Variants in LAT observed in about 807,000 individuals in gnomAD.
LAT encodes the protein linker for activation of T cells.
Under a neutral mutation model 39.1 loss-of-function variants are expected in LAT, and 12 were observed. That is an observed-to-expected ratio of 0.31 (90% CI 0.20 to 0.50). The LOEUF (loss-of-function observed/expected upper bound fraction) is 0.50, where lower values mean the gene tolerates loss of function less well. Ranked by LOEUF, LAT falls within the 20% of genes least tolerant of loss-of-function variation. The probability of loss-of-function intolerance (pLI) is 0.98; values close to 1 mark genes in which losing one functional copy is unlikely to be tolerated. For missense variants in LAT, 253 were observed against 308.0 expected (o/e 0.82, Z 1.34); for synonymous variants, 117 against 123.8 (o/e 0.95, Z 0.36).
Position 28,985,868 on chromosome 16 carries a change from G to A in LAT, c.143G>A (p.Gly48Asp). 1 of 1,614,128 alleles carries A rather than the reference G, an allele frequency of 6.2e-7. No individual in the cohort carries two copies. The highest frequency in any genetic ancestry group is 1.1e-5 in the South Asian group (1 of 91,078). The change falls in exon 3 of 12, where the codon GGC becomes GAC. Residue 48 changes from glycine to aspartate, a missense_variant. Transcript: ENST00000395456. The surrounding 1 kb of genome is among the most constrained non-coding windows in gnomAD (Gnocchi z 4.6). ...STSSDSLYPR[G>D]IQFKRPHTVA... ...TCCTTTACCAGTTTGTATCCAAGGGGCATCCAGTTCAAACGGCCTCGTGAG... is the reference window on the plus strand; with the variant it reads ...TCCTTTACCAGTTTGTATCCAAGGGACATCCAGTTCAAACGGCCTCGTGAG...
rs770552343 is a variant in LAT at position 28,986,338 on chromosome 16, C to T, written c.246-44C>T. ...TTCCCTTTTGCAACTGCTGTTGCCC[C>T]CTGAGCCCCACCTCAGGCATGACCC... On this transcript the variant is annotated intron_variant, in intron 4 of 11. Coordinates refer to ENST00000395456, the MANE Select transcript of LAT (RefSeq NM_001014987.2). This position sits in a 1 kb window ranked among gnomAD's most constrained non-coding sequence, Gnocchi z 5.7. 1.1e-5 allele frequency: 18 copies of T among 1,607,356 alleles called. No individual in the cohort carries two copies. Among genetic ancestry groups the T allele is most frequent in the Non-Finnish European group, 1.4e-5 (17 of 1,175,202 alleles).
Position 28,986,480 on chromosome 16 carries a change from T to A in LAT, c.310+34T>A, listed in dbSNP as rs377237726. The A allele has an allele frequency of 6.2e-7, 1 of 1,613,448 alleles. No homozygotes were observed. The highest frequency in any genetic ancestry group is 1.3e-5 in the African/African-American group (1 of 74,998). The stretch of plus-strand genomic sequence containing the variant: ...GGGGAAGGGTTCAGGCGGCGGGGGC[T>A]GGGAAGAAGATAGGCCTGGCCTGAG... On this transcript the variant is annotated intron_variant, in intron 5 of 11. Coordinates refer to ENST00000395456, the MANE Select transcript of LAT (RefSeq NM_001014987.2). The surrounding 1 kb of genome is among the most constrained non-coding windows in gnomAD (Gnocchi z 5.7).
rs745992930 is a variant in LAT, at chr16:28,986,666, G to A, written c.350G>A (p.Cys117Tyr). Residue 117 changes from cysteine (C) to tyrosine (Y), a missense_variant, in exon 7 of 12, where the codon TGT becomes TAT. By Grantham distance (194) the Cys-to-Tyr change is radical. Transcript: ENST00000395456. The surrounding 1 kb of genome is among the most constrained non-coding windows in gnomAD (Gnocchi z 5.7). ...GTGTCGTTACCCCCAGAACCAGCCT[G>A]TGAGGATGCGGATGAGGATGAGGAC... ...VASYENEEPA[C>Y]EDADEDEDDY... 6.2e-7 allele frequency: 1 copy of A among 1,614,028 alleles called. No homozygotes were observed. The highest frequency in any genetic ancestry group is 1.7e-5 in the Admixed American group (1 of 59,980).
In LAT at chr16:28,986,759, C is replaced by T. The variant is rs758477625; in HGVS notation, c.399-40C>T. The T allele has an allele frequency of 5.3e-5, 86 of 1,608,616 alleles. No homozygotes were observed. Among genetic ancestry groups the T allele is most frequent in the East Asian group, 2.5e-4 (11 of 44,814 alleles). The stretch of plus-strand genomic sequence containing the variant: ...GTGGGAGGTGAGGGCTGAGGCTGTG[C>T]GTCCCCCCTTGCTCACCGGCCCTTT... On this transcript the variant is annotated intron_variant, in intron 7 of 11. Coordinates refer to ENST00000395456, the MANE Select transcript of LAT (RefSeq NM_001014987.2). This position sits in a 1 kb window ranked among gnomAD's most constrained non-coding sequence, Gnocchi z 5.7.
rs975271024 is a variant in LAT, at chr16:28,985,327, G to A, written c.-91G>A. ...GCCTACCTGCCCCCTGCTCCCTGCC[G>A]GGTCCGGTCCTCACCCCATCTTCAT... On this transcript the variant is annotated 5_prime_UTR_variant, in exon 1 of 12. Coordinates refer to ENST00000395456, the MANE Select transcript of LAT (RefSeq NM_001014987.2). The surrounding 1 kb of genome is among the most constrained non-coding windows in gnomAD (Gnocchi z 4.6). The A allele has an allele frequency of 4.3e-5, 67 of 1,564,408 alleles. No individual in the cohort carries two copies. The highest frequency in any genetic ancestry group is 2.3e-4 in the Middle Eastern group (1 of 4,338).
chr16:28,985,500 A>C lies in LAT; in HGVS notation c.83A>C (p.His28Pro), dbSNP rs1000209393. ...GCCATGTTGATGGCACTGTGTGTGC[A>C]CTGCCACAGACTGCCAGGTGAGTGG... is the stretch of plus-strand genomic sequence containing the variant. The part of the protein sequence containing the change: ...ILAMLMALCV[H>P]CHRLPGSYDS... The change falls in exon 1 of 12, where the codon CAC (histidine) becomes CCC (proline). Residue 28 changes from histidine to proline, a missense_variant. Physicochemically the swap from His to Pro is moderately conservative, Grantham distance 77 (BLOSUM62 -2). Coordinates refer to ENST00000395456, the MANE Select transcript of LAT (RefSeq NM_001014987.2). This position sits in a 1 kb window ranked among gnomAD's most constrained non-coding sequence, Gnocchi z 4.6. The C allele has an allele frequency of 6.2e-7, 1 of 1,613,450 alleles. No individual in the cohort carries two copies. The highest frequency in any genetic ancestry group is 8.5e-7 in the Non-Finnish European group (1 of 1,179,772).
At position 28,985,847 on chromosome 16, in the gene LAT, T is replaced by TA. The variant is rs1203380481; in HGVS notation, c.129-7_129-6insA. On this transcript the variant is annotated splice_polypyrimidine_tract_variant and splice_region_variant and intron_variant, in intron 2 of 11. Transcript: ENST00000395456. The surrounding 1 kb of genome is among the most constrained non-coding windows in gnomAD (Gnocchi z 4.6). ...GCCCCATCCCCAAGCTGTGTCTCCT[T>TA]TACCAGTTTGTATCCAAGGGGCATC... 2 of 1,614,064 alleles carry TA rather than the reference T, an allele frequency of 1.2e-6. No homozygotes were observed. Among genetic ancestry groups the TA allele is most frequent in the East Asian group, 4.5e-5 (2 of 44,868 alleles).
rs1965829885 is a variant in LAT, at chr16:28,989,657, C to T, written c.556+68C>T. The stretch of plus-strand genomic sequence containing the variant: ...TGCCCCACCATGCTCTCAGTGTGAC[C>T]AGATCCCACCCTGGGGCTACCCACA... On this transcript the variant is annotated intron_variant, in intron 9 of 11. Coordinates refer to ENST00000395456, the MANE Select transcript of LAT (RefSeq NM_001014987.2). 4 of 1,583,546 alleles carry T rather than the reference C, an allele frequency of 2.5e-6. No individual in the cohort carries two copies. In the Admixed American group the frequency reaches 5.1e-5, roughly 20 times the overall value.
At chr16:28,988,147 C>G (rs1965799982) in intron 8 of LAT, 1 of 152,144 alleles carries the variant, frequency 6.6e-6, no homozygotes, top group Admixed American at 6.6e-5. Flanking sequence ...TCCTGCATGC[C>G]TTGCTAAGAG....
chr16:28,985,620 T>C lies in LAT; in HGVS notation c.101-93T>C. The stretch of plus-strand genomic sequence containing the variant: ...TGTCCTGGCTCTGTCCCTGCCTCCG[T>C]CCTGATCCCAGCGCCTCTGAGAGTC... On this transcript the variant is annotated intron_variant, in intron 1 of 11. Coordinates refer to ENST00000395456, the MANE Select transcript of LAT (RefSeq NM_001014987.2). The surrounding 1 kb of genome is among the most constrained non-coding windows in gnomAD (Gnocchi z 4.6). The C allele has an allele frequency of 6.2e-7, 1 of 1,606,498 alleles. No homozygotes were observed. The highest frequency in any genetic ancestry group is 8.5e-7 in the Non-Finnish European group (1 of 1,173,782).
Position 28,986,000 on chromosome 16 carries a change from C to A in LAT, c.163+112C>A, listed in dbSNP as rs369369314. On this transcript the variant is annotated intron_variant, in intron 3 of 11. Transcript: ENST00000395456. The surrounding 1 kb of genome is among the most constrained non-coding windows in gnomAD (Gnocchi z 4.6). ...GCCACCTTGGGGCTGCCCACATGGC[C>A]TTGACCTGAGCTGGGAGAGGGGAGA... The A allele has an allele frequency of 2.9e-3, 4,155 of 1,446,724 alleles. 118 individuals are homozygous for A. The South Asian group carries it at 0.044, about 15-fold the overall frequency. 89.6% of individuals were successfully genotyped at this position (1,446,724 alleles called of 1,614,324 possible).
At chr16:28,984,908 G>T (rs772286326), upstream of LAT, 6 of 1,547,442 alleles carry the variant, frequency 3.9e-6, no homozygotes, top group South Asian at 7.2e-5. Context: ...CCCGTCTTGG[G>T]GGGGGCCAGC....
Position 28,990,475 on chromosome 16 carries a change from T to C in LAT, c.*294T>C. The C allele has an allele frequency of 3.1e-6, 1 of 319,740 alleles. No individual in the cohort carries two copies. The highest frequency in any genetic ancestry group is 6.2e-6 in the Non-Finnish European group (1 of 161,876). The allele number at this position is 319,740 out of a possible 1,614,324, so 19.8% of individuals were successfully genotyped here. ...TGTTGAGCGTGCGTCTGTGTGTGCCTGTGTGCGAGTCTGAGTCAGAGATTT... is the reference window on the plus strand; with the variant it reads ...TGTTGAGCGTGCGTCTGTGTGTGCCCGTGTGCGAGTCTGAGTCAGAGATTT... On this transcript the variant is annotated 3_prime_UTR_variant, in exon 12 of 12. Transcript: ENST00000395456.
chr16:28,988,964 C>T (rs948936510), intron 8 of LAT: 1 of 154,260 alleles, frequency 6.5e-6, no homozygotes, highest in South Asian at 2.0e-4. Context: ...GATTGCACCA[C>T]TGCACTCCAG....
chr16:28,989,503 G>T, intron 8 of LAT, 24 bp from the exon 9 acceptor site: 1 of 1,589,334 alleles, frequency 6.3e-7, no homozygotes, highest in South Asian at 1.2e-5. Context: ...TCACAGTGCC[G>T]AGGTGGGCCT....
At position 28,989,598 on chromosome 16, in the gene LAT, C is replaced by T; in HGVS notation, c.556+9C>T. The T allele has an allele frequency of 6.2e-7, 1 of 1,607,762 alleles. No homozygotes were observed. Among genetic ancestry groups the T allele is most frequent in the Middle Eastern group, 1.7e-4 (1 of 6,000 alleles). ...CGCAGAAGCGTCTCTGGGTGAGTGA[C>T]CGGTGCTTGTCGGTGCCTGCCCCTG... On this transcript the variant is annotated intron_variant, in intron 9 of 11. Coordinates refer to ENST00000395456, the MANE Select transcript of LAT (RefSeq NM_001014987.2).
Position 28,985,144 on chromosome 16 carries a change from TC to T in LAT, c.-269del. On this transcript the variant is annotated 5_prime_UTR_variant, in exon 1 of 12. Coordinates refer to ENST00000395456, the MANE Select transcript of LAT (RefSeq NM_001014987.2). This position sits in a 1 kb window ranked among gnomAD's most constrained non-coding sequence, Gnocchi z 4.6. ...GGGCTGGGACGCAGGGGTAACTGGATCCCCCGACTTCAGCCCAGGCCCTGGT... is the reference window on the plus strand; with the variant it reads ...GGGCTGGGACGCAGGGGTAACTGGATCCCCGACTTCAGCCCAGGCCCTGGT... 1 of 1,424,868 alleles carries T rather than the reference TC, an allele frequency of 7.0e-7. No individual in the cohort carries two copies. The highest frequency in any genetic ancestry group is 2.6e-5 in the East Asian group (1 of 38,878). 88.3% of individuals were successfully genotyped at this position (1,424,868 alleles called of 1,614,324 possible). A position where few individuals can be genotyped will look rare whatever the true frequency, so the allele number is the denominator to read the frequency against.
chr16:28,987,693 ACTT>A (rs1449589930), intron 8 of LAT: 1 of 151,096 alleles, frequency 6.6e-6, no homozygotes, highest in Non-Finnish European at 1.5e-5. Context: ...GTATCCAAGT[ACTT>A]CTTTTCTTTC....
upstream of LAT, chr16:28,984,908 G>A (rs772286326): frequency 3.9e-6 from 6 of 1,547,560 alleles, no homozygotes; most frequent in East Asian, 7.3e-5. Flanking sequence ...CCCGTCTTGG[G>A]GGGGGCCAGC....
Sources: gnomAD v4.1 joint callset for allele counts on GRCh38, gnomAD v4.1.1 for gene constraint, Gnocchi (gnomAD v3.1) non-coding constraint, MANE v1.5 for transcripts, NCBI Gene and HGNC (gene_info 2026-07-23, HGNC 2026-07-21) for gene names.